Variants in NCAM2 observed in about 807,000 individuals in gnomAD.
NCAM2 encodes N-CAM-2.
A neutral mutation model predicts 98.1 loss-of-function variants in NCAM2; 30 were observed. The observed-to-expected ratio is 0.31, with a 90% CI of 0.23 to 0.41. The LOEUF (loss-of-function observed/expected upper bound fraction) is 0.41, where lower values mean the gene tolerates loss of function less well. Ranked by LOEUF, NCAM2 falls within the 10% of genes least tolerant of loss-of-function variation. NCAM2 has a pLI of 1.00. For synonymous variants in NCAM2, 368 were observed against 342.4 expected (o/e 1.07, Z -0.83); for missense variants, 867 against 1,005.8 (o/e 0.86, Z 1.87).
intron 12 of NCAM2, among the ~76,000 whole-genome samples, chr21:21,451,126 CCT>C (rs570678085): frequency 7.5e-4 from 114 of 152,178 alleles, no homozygotes; most frequent in African/African-American, 2.5e-3. Flanking sequence ...ATCAGTCACG[CCT>C]CTCTGTCTTG....
intron 1 of NCAM2, among the ~76,000 whole-genome samples, chr21:21,108,996 A>G (rs368879942): frequency 1.3e-5 from 2 of 152,262 alleles, no homozygotes; most frequent in South Asian, 4.1e-4. Context: ...TTCTAGTTTT[A>G]CACAAATATT....
At chr21:21,027,345 G>A (rs1488830877) in intron 1 of NCAM2, among the ~76,000 whole-genome samples, 1 of 152,004 alleles carries the variant, frequency 6.6e-6, no homozygotes, top group East Asian at 1.9e-4. Context: ...AGTCATTATG[G>A]TAGCATTATG....
chr21:21,033,952 C>G (rs2064744659), intron 1 of NCAM2, among the ~76,000 whole-genome samples: 1 of 151,618 alleles, frequency 6.6e-6, no homozygotes, highest in Admixed American at 6.6e-5. Context: ...TCTTTAGTCC[C>G]CCATTCGAAA....
At chr21:21,486,569 T>A (rs1405825649) in intron 15 of NCAM2, among the ~76,000 whole-genome samples, 2 of 152,180 alleles carry the variant, frequency 1.3e-5, no homozygotes, top group East Asian at 3.9e-4. Context: ...CTCCAGAAAC[T>A]GTTTTTTACA....
intron 1 of NCAM2, among the ~76,000 whole-genome samples, chr21:21,035,451 T>C (rs990903769): frequency 1.3e-5 from 2 of 152,162 alleles, no homozygotes; most frequent in African/African-American, 4.8e-5. Context: ...AAACTATAAA[T>C]AGCTTAAAAG....
chr21:21,154,371 A>G (rs1231408563), intron 1 of NCAM2, among the ~76,000 whole-genome samples: 1 of 151,896 alleles, frequency 6.6e-6, no homozygotes, highest in Non-Finnish European at 1.5e-5. Context: ...ATTTAGGGAA[A>G]TGGAATATGG....
intron 14 of NCAM2, among the ~76,000 whole-genome samples, chr21:21,474,541 G>A (rs1401429390): frequency 6.6e-6 from 1 of 150,860 alleles, no homozygotes; most frequent in African/African-American, 2.4e-5. Flanking sequence ...TCATTTTTTG[G>A]CTTATTTTCT....
chr21:21,162,995 C>T (rs1353189205), intron 1 of NCAM2, among the ~76,000 whole-genome samples: 1 of 152,112 alleles, frequency 6.6e-6, no homozygotes, highest in East Asian at 1.9e-4. Context: ...AGGGAAGTCC[C>T]AATTGCTTAC....
intron 9 of NCAM2, among the ~76,000 whole-genome samples, chr21:21,387,810 G>T (rs2076301508): frequency 6.6e-6 from 1 of 152,102 alleles, no homozygotes; most frequent in Non-Finnish European, 1.5e-5. Flanking sequence ...CTGCTTTCAT[G>T]GACATTGGCA....
At chr21:21,073,701 G>T (rs1231874018) in intron 1 of NCAM2, among the ~76,000 whole-genome samples, 5 of 152,040 alleles carry the variant, frequency 3.3e-5, no homozygotes, top group Non-Finnish European at 4.4e-5. Flanking sequence ...TTAATATCTG[G>T]AGGTATGAAG....
chr21:21,078,427 C>T (rs1381210896), intron 1 of NCAM2, among the ~76,000 whole-genome samples: 1 of 152,128 alleles, frequency 6.6e-6, no homozygotes, highest in Non-Finnish European at 1.5e-5. Flanking sequence ...TGAAACAAAG[C>T]TTTATATAAT....
intron 12 of NCAM2, among the ~76,000 whole-genome samples, chr21:21,452,768 T>TTAAAATATAGTATTACTTTATATA (rs1168254454): frequency 3.7e-5 from 3 of 80,870 alleles, no homozygotes; most frequent in African/African-American, 5.1e-5. Context: ...ACTTTATGTA[T>TTAAAATATAGTATTACTTTATATA]TAAAATATAG....
chr21:21,086,933 T>G (rs2065916518), intron 1 of NCAM2, among the ~76,000 whole-genome samples: 1 of 149,086 alleles, frequency 6.7e-6, no homozygotes, highest in African/African-American at 2.5e-5. Context: ...AATTTCATCT[T>G]TTTTTTTTTA....
At chr21:21,413,329 A>G (rs2076925000) in intron 10 of NCAM2, among the ~76,000 whole-genome samples, 1 of 152,216 alleles carries the variant, frequency 6.6e-6, no homozygotes, top group East Asian at 1.9e-4. Flanking sequence ...TTATCATGGA[A>G]TACATAGAAG....
At chr21:21,218,590 A>C (rs1349118062) in intron 1 of NCAM2, among the ~76,000 whole-genome samples, 1 of 152,214 alleles carries the variant, frequency 6.6e-6, no homozygotes, top group Non-Finnish European at 1.5e-5. Flanking sequence ...AGGAGTCCTT[A>C]AAATAGTTTG....
At chr21:21,486,198 G>A (rs1258392167) in intron 15 of NCAM2, among the ~76,000 whole-genome samples, 1 of 151,208 alleles carries the variant, frequency 6.6e-6, no homozygotes, top group Non-Finnish European at 1.5e-5. Context: ...CAGCTACTCG[G>A]GAGGCTGAGG....
intron 1 of NCAM2, among the ~76,000 whole-genome samples, chr21:21,068,980 A>ATTCCAG (rs1379825847): frequency 6.6e-6 from 1 of 152,186 alleles, no homozygotes; most frequent in African/African-American, 2.4e-5. Context: ...CACTCTGCTA[A>ATTCCAG]GTTGATACTT....
chr21:21,150,621 T>C (rs993642109), intron 1 of NCAM2, among the ~76,000 whole-genome samples: 2 of 152,062 alleles, frequency 1.3e-5, no homozygotes, highest in Non-Finnish European at 2.9e-5. Context: ...ATTTTATATA[T>C]GTGATAACTT....
chr21:21,157,855 A>G (rs954864828), intron 1 of NCAM2, among the ~76,000 whole-genome samples: 1 of 152,132 alleles, frequency 6.6e-6, no homozygotes, highest in Non-Finnish European at 1.5e-5. Flanking sequence ...CCAATCAAGC[A>G]TCCTTTTTGG....
Sources: gnomAD v4.1 joint callset for allele counts (sites outside exome capture counted in the v4.1 genomes callset) on GRCh38, gnomAD v4.1.1 for gene constraint, MANE v1.5 for transcripts, NCBI Gene and HGNC (gene_info 2026-07-23, HGNC 2026-07-21) for gene names.